Variants in CDH18 observed in about 807,000 individuals in gnomAD.
The protein encoded by CDH18 is cadherin 18, also known as cadherin-18.
In CDH18, 31 loss-of-function variants were observed where a neutral mutation model predicts 67.9. The ratio of observed to expected loss-of-function variants is 0.46; its 90% CI spans 0.34 to 0.62. CDH18 has a LOEUF of 0.62. CDH18 is among the 20% of genes least tolerant of loss of function. The probability of loss-of-function intolerance (pLI) is 0.01; values close to 1 mark genes in which losing one functional copy is unlikely to be tolerated. For synonymous variants in CDH18, 362 were observed against 347.2 expected, an observed-to-expected ratio of 1.04 and a Z score of -0.48; for missense variants, 890 against 975.5, an observed-to-expected ratio of 0.91 and a Z score of 1.17.
intron 1 of CDH18, among the ~76,000 whole-genome samples, chr5:20,377,512 G>A (rs977942902): frequency 2.6e-4 from 39 of 152,102 alleles, no homozygotes; most frequent in African/African-American, 9.4e-4. Flanking sequence ...AGTGTCTCAA[G>A]TACTGTTATT....
intron 2 of CDH18, among the ~76,000 whole-genome samples, chr5:19,975,854 C>A (rs1398334839): frequency 3.3e-5 from 5 of 151,846 alleles, no homozygotes. Context: ...GAAGAGTCAG[C>A]ACATCCAGGA....
At chr5:19,847,302 T>G (rs988546180) in intron 2 of CDH18, among the ~76,000 whole-genome samples, 4 of 152,046 alleles carry the variant, frequency 2.6e-5, no homozygotes, top group Non-Finnish European at 5.9e-5. Flanking sequence ...ATTTTTTTCC[T>G]TCAGTGTTTT....
chr5:20,523,449 T>C (rs1468407082), intron 1 of CDH18, among the ~76,000 whole-genome samples: 3 of 152,202 alleles, frequency 2.0e-5, no homozygotes, highest in Non-Finnish European at 2.9e-5. Flanking sequence ...CGGTGATACA[T>C]CAGACAACCT....
intron 3 of CDH18, among the ~76,000 whole-genome samples, chr5:19,752,178 G>T (rs914741832): frequency 6.6e-6 from 1 of 152,154 alleles, no homozygotes; most frequent in Non-Finnish European, 1.5e-5. Flanking sequence ...GTCCATTCCT[G>T]CTTGGACTCA....
chr5:19,700,447 C>T (rs1486667543), intron 5 of CDH18, among the ~76,000 whole-genome samples: 1 of 152,146 alleles, frequency 6.6e-6, no homozygotes, highest in African/African-American at 2.4e-5. Flanking sequence ...GTGTGTCTCT[C>T]TGTGTATACA....
chr5:20,527,559 AC>A (rs200385714), intron 1 of CDH18, among the ~76,000 whole-genome samples: 2,155 of 152,186 alleles, frequency 0.014, 22 homozygotes, highest in South Asian at 0.044. Flanking sequence ...ACAGCAGACT[AC>A]TCAGTGAAAA....
intron 2 of CDH18, among the ~76,000 whole-genome samples, chr5:20,214,383 G>T (rs1740594578): frequency 6.6e-6 from 1 of 151,860 alleles, no homozygotes; most frequent in African/African-American, 2.4e-5. Flanking sequence ...TAATACCAAG[G>T]CAGTCCTACG....
intron 1 of CDH18, among the ~76,000 whole-genome samples, chr5:20,404,140 A>G (rs906829902): frequency 2.6e-5 from 4 of 152,192 alleles, no homozygotes; most frequent in Non-Finnish European, 4.4e-5. Context: ...CATAGAGTTG[A>G]AGAGCGTTTA....
At chr5:19,972,035 A>G (rs1442389037) in intron 2 of CDH18, among the ~76,000 whole-genome samples, 3 of 152,084 alleles carry the variant, frequency 2.0e-5, no homozygotes, top group Non-Finnish European at 4.4e-5. Context: ...TTGGTTGTCA[A>G]TAACTGTATT....
chr5:19,722,163 C>T (rs1472438162), intron 4 of CDH18, among the ~76,000 whole-genome samples: 1 of 152,112 alleles, frequency 6.6e-6, no homozygotes, highest in African/African-American at 2.4e-5. Context: ...AAGCAATTCT[C>T]CTGCCTCAGC....
chr5:19,810,419 T>C (rs1213244059), intron 3 of CDH18, among the ~76,000 whole-genome samples: 1 of 152,058 alleles, frequency 6.6e-6, no homozygotes, highest in Non-Finnish European at 1.5e-5. Context: ...TTAATATTCA[T>C]ACTTAATTCG....
rs1036885105 is a variant in CDH18 at position 20,232,368 on chromosome 5, A to G, written c.-518+23076T>C. The stretch of plus-strand genomic sequence containing the variant: ...CTGAACCTACTTATTTGAAATAAAC[A>G]TAACTATGATACATAACTGTGCGAT... On this transcript the variant is annotated intron_variant, in intron 2 of 14. Transcript: ENST00000507958. Among the ~76,000 whole-genome samples, 7 of 152,308 alleles carry G rather than the reference A, an allele frequency of 4.6e-5. No homozygotes were observed. The East Asian group carries it at 5.8e-4, about 13-fold the overall frequency.
At chr5:20,439,981 T>C (rs1343244494) in intron 1 of CDH18, among the ~76,000 whole-genome samples, 1 of 151,880 alleles carries the variant, frequency 6.6e-6, no homozygotes, top group Non-Finnish European at 1.5e-5. Context: ...ATAATATTGC[T>C]GTAAGAACAT....
intron 3 of CDH18, among the ~76,000 whole-genome samples, chr5:19,804,629 G>T (rs1021649508): frequency 6.6e-6 from 1 of 152,044 alleles, no homozygotes; most frequent in Non-Finnish European, 1.5e-5. Context: ...TTATTCCAGG[G>T]CCAGCAGGAA....
intron 1 of CDH18, among the ~76,000 whole-genome samples, chr5:20,287,742 T>A (rs539193798): frequency 6.6e-6 from 1 of 151,118 alleles, no homozygotes; most frequent in South Asian, 2.1e-4. Flanking sequence ...GAATGATTTA[T>A]TTTTTAGCAC....
chr5:19,711,650 T>TAAAAAAAA (rs3062941), intron 5 of CDH18, among the ~76,000 whole-genome samples: 80 of 115,190 alleles, frequency 6.9e-4, no homozygotes, highest in East Asian at 1.2e-3. Context: ...TAGTATAAAG[T>TAAAAAAAA]AAAAAAAAAA....
At chr5:19,532,428 C>G (rs1748778468) in intron 9 of CDH18, among the ~76,000 whole-genome samples, 1 of 152,014 alleles carries the variant, frequency 6.6e-6, no homozygotes, top group South Asian at 2.1e-4. Context: ...TTCCTTTACC[C>G]AGAACTAAGG....
At chr5:20,459,036 A>T (rs1359104095) in intron 1 of CDH18, among the ~76,000 whole-genome samples, 1 of 74,856 alleles carries the variant, frequency 1.3e-5, no homozygotes, top group Non-Finnish European at 2.5e-5. Flanking sequence ...AATGATACAC[A>T]AAACAAAATA....
intron 1 of CDH18, among the ~76,000 whole-genome samples, chr5:20,328,177 G>A (rs979249910): frequency 1.4e-4 from 21 of 152,228 alleles, no homozygotes; most frequent in African/African-American, 3.4e-4. Context: ...GTGATGACAC[G>A]TTATGGGAGG....
Sources: gnomAD v4.1 joint callset for allele counts (sites outside exome capture counted in the v4.1 genomes callset) on GRCh38, gnomAD v4.1.1 for gene constraint, MANE v1.5 for transcripts, NCBI Gene and HGNC (gene_info 2026-07-23, HGNC 2026-07-21) for gene names.